GPBP1: variants seen among roughly 807,000 people sequenced by gnomAD.
The protein encoded by GPBP1 is vasculin.
Under a neutral mutation model 56.5 loss-of-function variants are expected in GPBP1, and 13 were observed. The ratio of observed to expected loss-of-function variants is 0.23; its 90% CI spans 0.15 to 0.37. The LOEUF (loss-of-function observed/expected upper bound fraction) is 0.37, where lower values mean the gene tolerates loss of function less well. GPBP1 is among the 10% of genes least tolerant of loss of function. The probability of loss-of-function intolerance (pLI) is 1.00; values close to 1 mark genes in which losing one functional copy is unlikely to be tolerated. For synonymous variants in GPBP1, 204 were observed against 188.9 expected (o/e 1.08, Z -0.66); for missense variants, 477 against 572.3 (o/e 0.83, Z 1.70).
At chr5:57,229,798 C>A (rs937305885) in intron 3 of GPBP1, among the ~76,000 whole-genome samples, 1 of 152,134 alleles carries the variant, frequency 6.6e-6, no homozygotes, top group Non-Finnish European at 1.5e-5. Flanking sequence ...CTCAGTACCC[C>A]AAAGTGCTGG....
At chr5:57,198,411 C>T (rs1306026473) in intron 2 of GPBP1, among the ~76,000 whole-genome samples, 1 of 152,046 alleles carries the variant, frequency 6.6e-6, no homozygotes, top group Non-Finnish European at 1.5e-5. Context: ...AGTCAGGATG[C>T]CATCATGAAC....
chr5:57,222,367 T>C (rs1011821658), intron 3 of GPBP1, among the ~76,000 whole-genome samples: 1 of 152,222 alleles, frequency 6.6e-6, no homozygotes, highest in Non-Finnish European at 1.5e-5. Flanking sequence ...TAGGAAGCCA[T>C]ATGTATCAGA....
At chr5:57,237,067 T>G (rs1756690974) in intron 6 of GPBP1, 2 of 1,340,292 alleles carry the variant, frequency 1.5e-6, no homozygotes, top group South Asian at 1.3e-5. Context: ...GTGAATGGCA[T>G]TGTTTTTTCT....
In GPBP1 at chr5:57,231,240, A is replaced by G. The variant is rs1415986260; in HGVS notation, c.330A>G (p.Leu110=). 4.3e-6 allele frequency: 7 copies of G among 1,614,196 alleles called. No homozygotes were observed. Among genetic ancestry groups the G allele is most frequent in the East Asian group, 2.2e-5 (1 of 44,888 alleles). The change falls in exon 5 of 12, where the codon CTA becomes CTG. Residue 110 remains leucine (L), a synonymous_variant. Coordinates refer to ENST00000506184, the MANE Select transcript of GPBP1 (RefSeq NM_022913.4). The part of the protein sequence containing the change: ...SIFHAGKSQG[L]HENNIPDNET... ...TCCATGCAGGAAAAAGCCAAGGACT[A>G]CATGAAAACAACATACCTGACAATG...
intron 2 of GPBP1, among the ~76,000 whole-genome samples, chr5:57,195,690 C>T (rs961843236): frequency 6.6e-5 from 10 of 152,008 alleles, no homozygotes; most frequent in African/African-American, 2.2e-4. Flanking sequence ...TTTTTATTTG[C>T]GAAATGAATA....
intron 3 of GPBP1, among the ~76,000 whole-genome samples, chr5:57,228,652 G>A (rs1173830006): frequency 3.3e-5 from 5 of 151,904 alleles, no homozygotes; most frequent in South Asian, 2.1e-4. Context: ...AGATTTCAGC[G>A]GGGGAAATTT....
intron 3 of GPBP1, among the ~76,000 whole-genome samples, chr5:57,225,508 A>AAAAC (rs1554069042): frequency 0.046 from 5,632 of 122,900 alleles, 339 homozygotes; most frequent in Middle Eastern, 0.06. Context: ...AAAAAAAAAA[A>AAAAC]AAACAAACTG....
chr5:57,181,368 A>G (rs543689015), intron 2 of GPBP1, among the ~76,000 whole-genome samples: 2 of 150,986 alleles, frequency 1.3e-5, no homozygotes, highest in East Asian at 3.9e-4. Context: ...ATGAGGCCGG[A>G]TGCCTCGGTA....
At chr5:57,213,590 A>G (rs537575766) in intron 2 of GPBP1, among the ~76,000 whole-genome samples, 1 of 152,148 alleles carries the variant, frequency 6.6e-6, no homozygotes. Context: ...CACTTCCCCC[A>G]GATGTCCTTT....
chr5:57,263,081 G>A lies in GPBP1; in HGVS notation c.*329G>A, dbSNP rs1561383472. On this transcript the variant is annotated 3_prime_UTR_variant, in exon 12 of 12. Coordinates refer to ENST00000506184, the MANE Select transcript of GPBP1 (RefSeq NM_022913.4). Reference sequence around the variant, plus strand: ...ATAATAAAAAATTGTGTAATGTTTTGCAAAGCTTCTGTCTTAAAATGTCCA... The same window carrying A: ...ATAATAAAAAATTGTGTAATGTTTTACAAAGCTTCTGTCTTAAAATGTCCA... The A allele has an allele frequency of 5.6e-6, 1 of 178,600 alleles. No individual in the cohort carries two copies. Among genetic ancestry groups the A allele is most frequent in the Non-Finnish European group, 1.2e-5 (1 of 85,166 alleles). The allele number at this position is 178,600 out of a possible 1,614,324, so 11.1% of individuals were successfully genotyped here. A position where few individuals can be genotyped will look rare whatever the true frequency, so the allele number is the denominator to read the frequency against.
In GPBP1 at chr5:57,214,155, G is replaced by A. The variant is rs1214953504; in HGVS notation, c.25G>A (p.Ala9Thr). ...AATGGCGCAGCATGACTTTGCTCCA[G>A]CCTGGCTTAATTTCCCTACTCCACC... MAQHDFAP[A>T]WLNFPTPPSS... The change falls in exon 3 of 12, where the codon GCC becomes ACC. Residue 9 changes from alanine to threonine, a missense_variant. Ala to Thr is a moderately conservative substitution (Grantham distance 58). This residue lies in a region of GPBP1 where 414 missense variants were observed against 458.2 expected (regional missense o/e 0.90). Transcript: ENST00000506184. 6.2e-7 allele frequency: 1 copy of A among 1,614,082 alleles called. No individual in the cohort carries two copies.
At chr5:57,235,324 T>A (rs892919413) in intron 5 of GPBP1, among the ~76,000 whole-genome samples, 1 of 152,120 alleles carries the variant, frequency 6.6e-6, no homozygotes, top group African/African-American at 2.4e-5. Flanking sequence ...AAAATCTGAT[T>A]TTCCTCTTCT....
At chr5:57,226,774 C>G (rs922986911) in intron 3 of GPBP1, among the ~76,000 whole-genome samples, 1 of 113,956 alleles carries the variant, frequency 8.8e-6, no homozygotes, top group African/African-American at 3.5e-5. Flanking sequence ...GAATTTCGCT[C>G]TATTGCCCAG....
intron 2 of GPBP1, among the ~76,000 whole-genome samples, chr5:57,191,738 T>G (rs187747283): frequency 0.012 from 1,761 of 152,106 alleles, 20 homozygotes; most frequent in Admixed American, 0.02. Context: ...ATTTTTGTAT[T>G]TTTAGTAGAG....
intron 3 of GPBP1, among the ~76,000 whole-genome samples, chr5:57,225,707 T>C (rs954470383): frequency 1.1e-4 from 17 of 152,158 alleles, no homozygotes; most frequent in African/African-American, 4.1e-4. Context: ...ATGCCCTCTC[T>C]GTACCGTTGA....
chr5:57,200,205 T>C (rs924794406), intron 2 of GPBP1, among the ~76,000 whole-genome samples: 5 of 150,240 alleles, frequency 3.3e-5, no homozygotes, highest in Admixed American at 1.3e-4. Context: ...TTTAGAATTA[T>C]GCTGCTGGCC....
chr5:57,193,457 T>C (rs917774789), intron 2 of GPBP1, among the ~76,000 whole-genome samples: 1 of 150,706 alleles, frequency 6.6e-6, no homozygotes, highest in Non-Finnish European at 1.5e-5. Flanking sequence ...CACAAAAAAA[T>C]ACAAAAACGA....
chr5:57,241,180 A>G (rs1279216403), intron 6 of GPBP1, among the ~76,000 whole-genome samples: 2 of 152,174 alleles, frequency 1.3e-5, no homozygotes, highest in African/African-American at 4.8e-5. Flanking sequence ...AACTTCATGT[A>G]TGTAGAAGGT....
At chr5:57,230,755 A>G in intron 3 of GPBP1, 91 bp from the exon 4 acceptor site, 1 of 1,113,000 alleles carries the variant, frequency 9.0e-7, no homozygotes, top group South Asian at 1.4e-5. Context: ...ATCATTTAAA[A>G]TTTTTGGAAA....
Sources: allele counts gnomAD v4.1 joint callset (sites outside exome capture counted in the v4.1 genomes callset), GRCh38; gene constraint gnomAD v4.1.1; regional missense constraint gnomAD v4.1.1; transcripts MANE v1.5; gene names NCBI Gene and HGNC (gene_info 2026-07-23, HGNC 2026-07-21).